The following EDA variants were observed in gnomAD, a reference collection of about 807,000 sequenced individuals.
EDA encodes the protein ectodysplasin A.
In EDA, 2 loss-of-function variants were observed where a neutral mutation model predicts 23.6. That is an observed-to-expected ratio of 0.08 (90% CI 0.03 to 0.27). The LOEUF (loss-of-function observed/expected upper bound fraction) is 0.27. Ranked by LOEUF, EDA falls within the 10% of genes least tolerant of loss-of-function variation. The pLI, the probability that EDA is intolerant of heterozygous loss-of-function variation, is 1.00. For missense variants in EDA, 229 were observed against 324.2 expected (o/e 0.71, Z 2.26); for synonymous variants, 131 against 132.0 (o/e 0.99, Z 0.05).
chrX:69,974,687 T>G (rs923485419), intron 2 of EDA, among the ~76,000 whole-genome samples: 2 of 111,550 alleles, frequency 1.8e-5, no homozygotes, highest in Non-Finnish European at 3.8e-5. Flanking sequence ...ATAAGGAACT[T>G]AAGTTTGTCT....
intron 1 of EDA, among the ~76,000 whole-genome samples, chrX:69,913,403 C>A (rs1304260862): frequency 8.9e-6 from 1 of 112,468 alleles, no homozygotes; most frequent in Non-Finnish European, 1.9e-5. Flanking sequence ...GAGACAGATT[C>A]TTTCCTTAAG....
At chrX:69,797,903 C>G (rs951926639) in intron 1 of EDA, among the ~76,000 whole-genome samples, 2 of 111,807 alleles carry the variant, frequency 1.8e-5, no homozygotes, top group Non-Finnish European at 3.8e-5. Flanking sequence ...CATGACCTAA[C>G]TATATGCTAT....
intron 1 of EDA, among the ~76,000 whole-genome samples, chrX:69,911,206 G>A (rs1210156009): frequency 8.9e-6 from 1 of 111,817 alleles, no homozygotes; most frequent in African/African-American, 3.3e-5. Context: ...GTTTAGCTGG[G>A]CTGCTTGTAG....
At chrX:69,771,189 C>T (rs1416533621) in intron 1 of EDA, among the ~76,000 whole-genome samples, 1 of 110,227 alleles carries the variant, frequency 9.1e-6, no homozygotes, top group Non-Finnish European at 1.9e-5. Flanking sequence ...CCCCAAGTCG[C>T]TGGGACTACA....
At chrX:69,758,237 C>T in intron 1 of EDA, among the ~76,000 whole-genome samples, 1 of 111,988 alleles carries the variant, frequency 8.9e-6, no homozygotes, top group Non-Finnish European at 1.9e-5. Flanking sequence ...AAACGTTAAG[C>T]ATTGTAATTC....
chrX:69,987,329 A>T (rs867452215), intron 2 of EDA, among the ~76,000 whole-genome samples: 5,484 of 106,679 alleles, frequency 0.051, 273 homozygotes, highest in African/African-American at 0.13. Context: ...AATAAATAAA[A>T]AAAAAATAAA....
Position 69,956,405 on chromosome X carries a change from G to A in EDA, c.397-622G>A, listed in dbSNP as rs192341591. On this transcript the variant is annotated intron_variant, in intron 1 of 7. Coordinates refer to ENST00000374552, the MANE Select transcript of EDA (RefSeq NM_001399.5). ...TGCCCAGGCTGGAGTGCAGTGGTGC[G>A]ACCTCAGCTCACTGCAACCTCTGCC... is the stretch of plus-strand genomic sequence containing the variant. 9.1e-3 allele frequency among the ~76,000 whole-genome samples: 891 copies of A among 97,647 alleles called. 14 individuals carry two copies. The highest frequency in any genetic ancestry group is 0.032 in the African/African-American group (846 of 26,071). The allele number at this position is 97,647 out of a possible 115,157, so 84.8% of individuals were successfully genotyped here.
In EDA at chrX:69,928,171, A is replaced by G. The variant is rs948579520; in HGVS notation, c.397-28856A>G. 1.4e-4 allele frequency among the ~76,000 whole-genome samples: 16 copies of G among 110,864 alleles called. No individual in the cohort carries two copies. The Admixed American group carries it at 1.4e-3, about 10-fold the overall frequency. On this transcript the variant is annotated intron_variant, in intron 1 of 7. Transcript: ENST00000374552. ...AGGATACCCCTTCAGTTCCATCTCT[A>G]TCGAGCAAACTACCAAACCTTCAAA...
At chrX:69,849,558 T>C (rs2017081903) in intron 1 of EDA, among the ~76,000 whole-genome samples, 1 of 111,932 alleles carries the variant, frequency 8.9e-6, no homozygotes, top group African/African-American at 3.2e-5. Context: ...CTATAAAACT[T>C]ACTGTTACAA....
intron 1 of EDA, among the ~76,000 whole-genome samples, chrX:69,675,914 C>T (rs1379657235): frequency 2.7e-5 from 3 of 111,219 alleles, no homozygotes; most frequent in Non-Finnish European, 3.8e-5. Flanking sequence ...GAGCAAAGAT[C>T]TGGAGGCAGT....
At chrX:69,732,498 A>G in intron 1 of EDA, among the ~76,000 whole-genome samples, 1 of 112,197 alleles carries the variant, frequency 8.9e-6, no homozygotes, top group Non-Finnish European at 1.9e-5. Flanking sequence ...GCAGTCTATC[A>G]TTGTTCAACA....
intron 1 of EDA, among the ~76,000 whole-genome samples, chrX:69,840,935 T>G (rs943171734): frequency 1.8e-5 from 2 of 111,953 alleles, no homozygotes; most frequent in African/African-American, 6.5e-5. Context: ...AGGAAGAGCC[T>G]TCATGGCCTA....
rs752030655 is a variant in EDA at position 69,844,021 on chromosome X, C to CAAA, written c.397-112990_397-112988dup. On this transcript the variant is annotated intron_variant, in intron 1 of 7. Transcript: ENST00000374552. ...TGGGCGACAGAGCAAGACTCTGTCTCAAAAAAAAAAAAAAAAAAGACTTCA... is the reference window on the plus strand; with the variant it reads ...TGGGCGACAGAGCAAGACTCTGTCTCAAAAAAAAAAAAAAAAAAAAAGACTTCA... 2.2e-3 allele frequency among the ~76,000 whole-genome samples: 136 copies of CAAA among 61,725 alleles called. 3 individuals are homozygous for CAAA. Among genetic ancestry groups the CAAA allele is most frequent in the South Asian group, 3.7e-3 (3 of 805 alleles). 53.6% of individuals were successfully genotyped at this position (61,725 alleles called of 115,157 possible). A position where few individuals can be genotyped will look rare whatever the true frequency, so the allele number is the denominator to read the frequency against.
intron 1 of EDA, among the ~76,000 whole-genome samples, chrX:69,821,777 G>A (rs866507848): frequency 3.6e-5 from 4 of 111,877 alleles, no homozygotes; most frequent in African/African-American, 9.7e-5. Flanking sequence ...ACTCTTCTGG[G>A]TGCCTCTTGG....
chrX:69,782,744 T>C (rs1466991965), intron 1 of EDA, among the ~76,000 whole-genome samples: 1 of 111,929 alleles, frequency 8.9e-6, no homozygotes, highest in Non-Finnish European at 1.9e-5. Flanking sequence ...AAAAAGATCT[T>C]TGAAGCCAAC....
chrX:69,814,829 C>T (rs1458293215), intron 1 of EDA, among the ~76,000 whole-genome samples: 1 of 111,818 alleles, frequency 8.9e-6, no homozygotes, highest in African/African-American at 3.3e-5. Context: ...TCCCATGGAT[C>T]TTTGCAACCC....
intron 1 of EDA, among the ~76,000 whole-genome samples, chrX:69,845,237 C>T (rs2016982639): frequency 8.9e-6 from 1 of 112,462 alleles, no homozygotes; most frequent in Admixed American, 9.4e-5. Context: ...CCTTTCACAT[C>T]TAGTTTTGTT....
chrX:69,802,240 CA>C (rs1011497262), intron 1 of EDA, among the ~76,000 whole-genome samples: 1 of 106,547 alleles, frequency 9.4e-6, no homozygotes, highest in Non-Finnish European at 1.9e-5. Flanking sequence ...TAGTGCTGAG[CA>C]AAAAAAACAA....
chrX:69,896,646 G>C (rs902630877), intron 1 of EDA, among the ~76,000 whole-genome samples: 1 of 110,983 alleles, frequency 9.0e-6, no homozygotes, highest in Non-Finnish European at 1.9e-5. Flanking sequence ...GTACAGGGAA[G>C]TTAAAAACAC....
Sources: allele counts gnomAD v4.1 joint callset (sites outside exome capture counted in the v4.1 genomes callset), GRCh38; gene constraint gnomAD v4.1.1; transcripts MANE v1.5; gene names NCBI Gene and HGNC (gene_info 2026-07-23, HGNC 2026-07-21).